The following DLG2 variants were observed in gnomAD, a reference collection of about 807,000 sequenced individuals.
The protein encoded by DLG2 is disks large homolog 2.
DLG2 carries 45 observed loss-of-function variants against 132.5 expected under a neutral mutation model. The observed-to-expected ratio is 0.34, with a 90% CI of 0.27 to 0.44. The LOEUF is 0.44. DLG2 is among the 20% of genes least tolerant of loss of function. The pLI is 1.00. For missense variants in DLG2, 1,045 were observed against 1,196.9 expected (o/e 0.87, Z 1.87); for synonymous variants, 424 against 419.6 (o/e 1.01, Z -0.13).
chr11:84,732,932 T>C (rs546088207), intron 6 of DLG2, among the ~76,000 whole-genome samples: 14 of 152,174 alleles, frequency 9.2e-5, no homozygotes, highest in African/African-American at 2.9e-4. Context: ...AGAATGATGG[T>C]TTCCAGCTTC....
At chr11:84,875,734 T>A (rs369886613) in intron 6 of DLG2, among the ~76,000 whole-genome samples, 6 of 152,260 alleles carry the variant, frequency 3.9e-5, no homozygotes, top group African/African-American at 1.4e-4. Context: ...AAAAATCTTA[T>A]TTCCTTCTCC....
intron 3 of DLG2, among the ~76,000 whole-genome samples, chr11:85,379,012 G>A (rs927041399): frequency 6.6e-6 from 1 of 152,052 alleles, no homozygotes. Context: ...GGAATAACAA[G>A]CAAAACAAAG....
chr11:84,361,138 TAC>T (rs910676810), intron 7 of DLG2, among the ~76,000 whole-genome samples: 1 of 151,868 alleles, frequency 6.6e-6, no homozygotes, highest in African/African-American at 2.4e-5. Flanking sequence ...TGATACCAAG[TAC>T]AGTCCTAGAA....
intron 8 of DLG2, among the ~76,000 whole-genome samples, chr11:84,230,028 G>T (rs1277592294): frequency 6.6e-6 from 1 of 152,102 alleles, no homozygotes; most frequent in African/African-American, 2.4e-5. Flanking sequence ...AGGCATTAAT[G>T]TCAAGAATCA....
Position 84,398,726 on chromosome 11 carries a change from GAA to G in DLG2, c.519+135842_519+135843del, listed in dbSNP as rs527750807. Among the ~76,000 whole-genome samples, 55 of 151,916 alleles carry G rather than the reference GAA, an allele frequency of 3.6e-4. 1 individual carries two copies. The South Asian group carries it at 0.011, about 30-fold the overall frequency. On this transcript the variant is annotated intron_variant, in intron 7 of 27. Coordinates refer to ENST00000376104, the MANE Select transcript of DLG2 (RefSeq NM_001142699.3). ...TGTGAAACAAAATAAACCATTCAGT[GAA>G]AAAAAGAGTTGGTGATGGGTTTACA...
chr11:84,083,331 T>C (rs185253513), intron 10 of DLG2, among the ~76,000 whole-genome samples: 42 of 152,222 alleles, frequency 2.8e-4, no homozygotes, highest in Admixed American at 5.9e-4. Flanking sequence ...ATAAATGTGG[T>C]ATCATTAAGA....
chr11:83,825,936 T>C (rs1187944850), intron 17 of DLG2, among the ~76,000 whole-genome samples: 5 of 151,980 alleles, frequency 3.3e-5, no homozygotes, highest in Admixed American at 3.3e-4. Context: ...TCCCTGACCA[T>C]AGGTAAAGAA....
At chr11:84,829,448 T>C (rs1043713365) in intron 6 of DLG2, among the ~76,000 whole-genome samples, 2 of 151,886 alleles carry the variant, frequency 1.3e-5, no homozygotes, top group Admixed American at 1.3e-4. Context: ...TATAAGGCAT[T>C]ACAACTCTGG....
intron 21 of DLG2, among the ~76,000 whole-genome samples, chr11:83,519,560 A>G (rs1277182866): frequency 6.6e-6 from 1 of 152,224 alleles, no homozygotes; most frequent in Non-Finnish European, 1.5e-5. Context: ...AGGGGACCCT[A>G]TATTCTTCAC....
intron 3 of DLG2, among the ~76,000 whole-genome samples, chr11:85,503,272 A>G (rs573466607): frequency 6.6e-6 from 1 of 152,058 alleles, no homozygotes; most frequent in African/African-American, 2.4e-5. Context: ...TTTTCTTGAC[A>G]CTTCTTTTCT....
At chr11:85,198,529 T>C (rs561803318) in intron 4 of DLG2, among the ~76,000 whole-genome samples, 202 of 152,268 alleles carry the variant, frequency 1.3e-3, no homozygotes, top group Middle Eastern at 3.4e-3. Context: ...CATTATAGAA[T>C]TATAGAATTT....
intron 11 of DLG2, among the ~76,000 whole-genome samples, chr11:84,003,399 A>G (rs1295477378): frequency 1.3e-5 from 2 of 152,142 alleles, no homozygotes; most frequent in African/African-American, 4.8e-5. Flanking sequence ...TTCCTGTATT[A>G]GTCCATTTTC....
intron 3 of DLG2, chr11:85,453,386 C>G (rs1429089389): frequency 9.9e-6 from 2 of 201,154 alleles, no homozygotes; most frequent in Non-Finnish European, 2.1e-5. Flanking sequence ...TTCTTCTCTA[C>G]CCGTTCTAGA....
intron 7 of DLG2, among the ~76,000 whole-genome samples, chr11:84,338,094 A>G (rs2098496157): frequency 6.6e-6 from 1 of 152,230 alleles, no homozygotes; most frequent in Non-Finnish European, 1.5e-5. Flanking sequence ...AAAAAAAAAT[A>G]AGAGAGATAT....
chr11:84,363,353 G>T (rs1464092196), intron 7 of DLG2, among the ~76,000 whole-genome samples: 2 of 151,514 alleles, frequency 1.3e-5, no homozygotes, highest in African/African-American at 2.4e-5. Flanking sequence ...TTTTTGATGG[G>T]GTTGTTGGTT....
intron 7 of DLG2, among the ~76,000 whole-genome samples, chr11:84,501,664 A>G (rs1175463515): frequency 6.6e-6 from 1 of 152,218 alleles, no homozygotes; most frequent in Non-Finnish European, 1.5e-5. Context: ...AGGTATATGC[A>G]GCTTACTGTA....
chr11:83,712,868 T>C (rs1370220682), intron 18 of DLG2, among the ~76,000 whole-genome samples: 1 of 151,970 alleles, frequency 6.6e-6, no homozygotes, highest in Non-Finnish European at 1.5e-5. Context: ...CTAGGCTTAA[T>C]ACCTAGGTGA....
At chr11:85,348,661 T>G (rs1023334590) in intron 3 of DLG2, among the ~76,000 whole-genome samples, 1 of 152,096 alleles carries the variant, frequency 6.6e-6, no homozygotes. Flanking sequence ...CAACCTAACT[T>G]TCCTGTACTT....
rs185455512 is a variant in DLG2, at chr11:83,504,732, C to T, written c.2194-20504G>A. ...CACTAGGAGTGATGGTGAGTGGTGCCGCTTCCACTTCCACCCGTTGATTCC... is the reference window on the plus strand; with the variant it reads ...CACTAGGAGTGATGGTGAGTGGTGCTGCTTCCACTTCCACCCGTTGATTCC... On this transcript the variant is annotated intron_variant, in intron 21 of 27. Transcript: ENST00000376104. Among the ~76,000 whole-genome samples the T allele has an allele frequency of 2.0e-4, 30 of 152,174 alleles. No homozygotes were observed. The East Asian group carries it at 5.6e-3, about 28-fold the overall frequency.
Sources: gnomAD v4.1 joint callset for allele counts (sites outside exome capture counted in the v4.1 genomes callset) on GRCh38, gnomAD v4.1.1 for gene constraint, MANE v1.5 for transcripts, NCBI Gene and HGNC (gene_info 2026-07-23, HGNC 2026-07-21) for gene names.